Variants in DPYSL2 observed in about 807,000 individuals in gnomAD.
DPYSL2 encodes dihydropyrimidinase-related protein 2.
DPYSL2 carries 13 observed loss-of-function variants against 69.9 expected under a neutral mutation model. The ratio of observed to expected loss-of-function variants is 0.19; its 90% CI spans 0.12 to 0.30. The LOEUF is 0.30. Ranked by LOEUF, DPYSL2 falls within the 10% of genes least tolerant of loss-of-function variation. DPYSL2 has a pLI of 1.00. For missense variants in DPYSL2, 587 were observed against 918.9 expected (o/e 0.64, Z 4.67); for synonymous variants, 326 against 359.1 (o/e 0.91, Z 1.04).
In DPYSL2 at chr8:26,624,973, A is replaced by G. The variant is rs1467746732; in HGVS notation, c.793+666A>G. 6.6e-6 allele frequency among the ~76,000 whole-genome samples: 1 copy of G among 152,164 alleles called. No homozygotes were observed. On this transcript the variant is annotated intron_variant, in intron 4 of 13. Transcript: ENST00000521913. The surrounding 1 kb of genome is among the most constrained non-coding windows in gnomAD (Gnocchi z 4.7). Reference sequence around the variant, plus strand: ...TTCCTGGGTCTCGCTGGGCTTGGCTAGAGACCAGATTAACTTCACTGGATC... The same window carrying G: ...TTCCTGGGTCTCGCTGGGCTTGGCTGGAGACCAGATTAACTTCACTGGATC...
At chr8:26,530,047 G>A (rs1454532059) in intron 1 of DPYSL2, among the ~76,000 whole-genome samples, 4 of 145,868 alleles carry the variant, frequency 2.7e-5, no homozygotes, top group African/African-American at 5.1e-5. Flanking sequence ...GGGAGGTGGA[G>A]GTTGCAGTGA....
Position 26,624,086 on chromosome 8 carries a change from C to A in DPYSL2, c.629-57C>A. ...CAGGGTTCAAGTGGGAAAATACCTG[C>A]TGGCCCACGGCCCTTGAGGCTCTTG... On this transcript the variant is annotated intron_variant, in intron 3 of 13. Coordinates refer to ENST00000521913, the MANE Select transcript of DPYSL2 (RefSeq NM_001197293.3). The surrounding 1 kb of genome is among the most constrained non-coding windows in gnomAD (Gnocchi z 4.7). 6.3e-7 allele frequency: 1 copy of A among 1,592,004 alleles called. No individual in the cohort carries two copies. The highest frequency in any genetic ancestry group is 8.6e-7 in the Non-Finnish European group (1 of 1,166,040).
Position 26,655,609 on chromosome 8 carries a change from C to T in DPYSL2, c.1943-6C>T. The T allele has an allele frequency of 6.2e-7, 1 of 1,605,222 alleles. No homozygotes were observed. The highest frequency in any genetic ancestry group is 8.5e-7 in the Non-Finnish European group (1 of 1,174,286). On this transcript the variant is annotated splice_region_variant and splice_polypyrimidine_tract_variant and intron_variant, in intron 13 of 13. Coordinates refer to ENST00000521913, the MANE Select transcript of DPYSL2 (RefSeq NM_001197293.3). ...CACCCGCTCCTCTCTTCTCCTCTCC[C>T]TCCAGGTGCTCAGATTGATGACAAC... is the stretch of plus-strand genomic sequence containing the variant.
Position 26,564,370 on chromosome 8 carries a change from G to A in DPYSL2, c.355-17599G>A, listed in dbSNP as rs1249487847. Among the ~76,000 whole-genome samples, 3 of 152,144 alleles carry A rather than the reference G, an allele frequency of 2.0e-5. No homozygotes were observed. Among genetic ancestry groups the A allele is most frequent in the African/African-American group, 2.4e-5 (1 of 41,422 alleles). On this transcript the variant is annotated intron_variant, in intron 1 of 13. Coordinates refer to ENST00000521913, the MANE Select transcript of DPYSL2 (RefSeq NM_001197293.3). The surrounding 1 kb of genome is among the most constrained non-coding windows in gnomAD (Gnocchi z 4.8). ...GTGAGGAGCACAGGGCCAGGGAGAT[G>A]GGAACGGCTGGAGGAGTTTTCCAAG...
intron 1 of DPYSL2, among the ~76,000 whole-genome samples, chr8:26,520,194 G>T (rs11984577): frequency 0.036 from 5,512 of 152,198 alleles, 145 homozygotes; most frequent in Middle Eastern, 0.054. Context: ...TGCCATGATT[G>T]TGAGGCCTCC....
At chr8:26,531,300 G>A (rs1009151054) in intron 1 of DPYSL2, among the ~76,000 whole-genome samples, 2 of 152,106 alleles carry the variant, frequency 1.3e-5, no homozygotes, top group Non-Finnish European at 2.9e-5. Flanking sequence ...CTGTGGAAGG[G>A]CAGCTCGGGG....
In DPYSL2 at chr8:26,537,713, A is replaced by G. The variant is rs551284437; in HGVS notation, c.354+23034A>G. ...CCCTTAATACTTCAGTGTATATTTC[A>G]TAAAAGACAAGATTACTTTTCTTCA... On this transcript the variant is annotated intron_variant, in intron 1 of 13. Transcript: ENST00000521913. Among the ~76,000 whole-genome samples, 4 of 152,186 alleles carry G rather than the reference A, an allele frequency of 2.6e-5. No homozygotes were observed. In the East Asian group the frequency reaches 5.8e-4, roughly 22 times the overall value.
At chr8:26,611,901 T>C (rs752313380) in intron 3 of DPYSL2, among the ~76,000 whole-genome samples, 18 of 152,176 alleles carry the variant, frequency 1.2e-4, no homozygotes, top group Non-Finnish European at 2.2e-4. Context: ...CTGCCTGGCC[T>C]GGTTCGGGGA....
intron 1 of DPYSL2, among the ~76,000 whole-genome samples, chr8:26,529,292 T>A (rs953859263): frequency 6.7e-6 from 1 of 150,306 alleles, no homozygotes; most frequent in Non-Finnish European, 1.5e-5. Context: ...TCTATCTATC[T>A]ATCTATCTAT....
At chr8:26,608,222 T>G (rs1028146570) in intron 3 of DPYSL2, among the ~76,000 whole-genome samples, 3 of 152,218 alleles carry the variant, frequency 2.0e-5, no homozygotes, top group Non-Finnish European at 4.4e-5. Context: ...AAAAACATTA[T>G]GATGCTACTT....
intron 4 of DPYSL2, among the ~76,000 whole-genome samples, chr8:26,625,429 C>CA (rs963137730): frequency 1.3e-5 from 2 of 152,182 alleles, no homozygotes. Context: ...TGTTGCCTGG[C>CA]AACGGGAGAA....
At position 26,562,311 on chromosome 8, in the gene DPYSL2, A is replaced by C. The variant is rs1385437872; in HGVS notation, c.355-19658A>C. On this transcript the variant is annotated intron_variant, in intron 1 of 13. Coordinates refer to ENST00000521913, the MANE Select transcript of DPYSL2 (RefSeq NM_001197293.3). This position sits in a 1 kb window ranked among gnomAD's most constrained non-coding sequence, Gnocchi z 4.9. ...ATTATGAGGCTTAACCAGAGTTAAT[A>C]CTTGCAAAGCACTGAGAACAATGCC... is the stretch of plus-strand genomic sequence containing the variant. 6.6e-6 allele frequency among the ~76,000 whole-genome samples: 1 copy of C among 152,206 alleles called. No individual in the cohort carries two copies. The highest frequency in any genetic ancestry group is 1.5e-5 in the Non-Finnish European group (1 of 68,038).
chr8:26,528,682 AAAAG>A (rs1808529698), intron 1 of DPYSL2, among the ~76,000 whole-genome samples: 2 of 151,782 alleles, frequency 1.3e-5, no homozygotes, highest in East Asian at 3.9e-4. Context: ...AAAAAGAAAA[AAAAG>A]AAAGAAATAA....
rs1801633888 is a variant in DPYSL2 at position 26,587,552 on chromosome 8, T to A, written c.628+3569T>A. Among the ~76,000 whole-genome samples the A allele has an allele frequency of 6.6e-6, 1 of 152,148 alleles. No homozygotes were observed. The highest frequency in any genetic ancestry group is 1.5e-5 in the Non-Finnish European group (1 of 68,038). On this transcript the variant is annotated intron_variant, in intron 3 of 13. Transcript: ENST00000521913. This position sits in a 1 kb window ranked among gnomAD's most constrained non-coding sequence, Gnocchi z 4.2. ...TAGAGGAAAACACAGCCAAATATTC[T>A]CGGTTTAAAAAAGGAGATGGCATGT...
At chr8:26,569,006 C>T (rs1476515827) in intron 1 of DPYSL2, among the ~76,000 whole-genome samples, 1 of 152,098 alleles carries the variant, frequency 6.6e-6, no homozygotes, top group Non-Finnish European at 1.5e-5. Context: ...ATCATTAGAA[C>T]CTAGGCCATG....
At chr8:26,524,640 A>T (rs1172272356) in intron 1 of DPYSL2, among the ~76,000 whole-genome samples, 2 of 151,898 alleles carry the variant, frequency 1.3e-5, no homozygotes, top group African/African-American at 2.4e-5. Context: ...TCTACTAAAC[A>T]TACAAAAATT....
intron 3 of DPYSL2, among the ~76,000 whole-genome samples, chr8:26,596,167 C>T (rs970380388): frequency 2.6e-5 from 4 of 152,126 alleles, no homozygotes; most frequent in Non-Finnish European, 5.9e-5. Flanking sequence ...GGAGGAAGTG[C>T]AACTTTAGCT....
intron 1 of DPYSL2, 102 bp from the exon 2 acceptor site, chr8:26,581,867 A>G: frequency 1.1e-6 from 1 of 919,508 alleles, no homozygotes; most frequent in East Asian, 2.6e-5. Flanking sequence ...TATTTTGAAC[A>G]TCACTTTTGA....
At chr8:26,519,495 T>A (rs1808350854) in intron 1 of DPYSL2, among the ~76,000 whole-genome samples, 1 of 152,228 alleles carries the variant, frequency 6.6e-6, no homozygotes, top group Non-Finnish European at 1.5e-5. Context: ...GCTTTTAAAT[T>A]CTAGATTCTA....
Sources: allele counts gnomAD v4.1 joint callset (sites outside exome capture counted in the v4.1 genomes callset), GRCh38; gene constraint gnomAD v4.1.1; non-coding constraint Gnocchi (gnomAD v3.1); transcripts MANE v1.5; gene names NCBI Gene and HGNC (gene_info 2026-07-23, HGNC 2026-07-21).